CACNA2D1: variants seen among roughly 807,000 people sequenced by gnomAD.
CACNA2D1 encodes calcium voltage-gated channel auxiliary subunit alpha2delta 1.
A neutral mutation model predicts 171.5 loss-of-function variants in CACNA2D1; 53 were observed. The observed-to-expected ratio is 0.31, with a 90% confidence interval of 0.25 to 0.39. The LOEUF is 0.39. Among genes scored for constraint, CACNA2D1 ranks in the 10% least tolerant of loss-of-function variants. The probability of loss-of-function intolerance (pLI) is 1.00; values close to 1 mark genes in which losing one functional copy is unlikely to be tolerated. For synonymous variants in CACNA2D1, 442 were observed against 443.1 expected, an observed-to-expected ratio of 1.00 and a Z score of 0.03; for missense variants, 903 against 1,299.8, an observed-to-expected ratio of 0.69 and a Z score of 4.69.
intron 3 of CACNA2D1, among the ~76,000 whole-genome samples, chr7:82,262,877 C>T (rs1807307913): frequency 6.6e-6 from 1 of 152,114 alleles, no homozygotes; most frequent in South Asian, 2.1e-4. Flanking sequence ...GGTCCTGCTC[C>T]ATACCCAGGA....
intron 3 of CACNA2D1, among the ~76,000 whole-genome samples, chr7:82,233,979 C>A (rs6467888): frequency 6.6e-6 from 1 of 151,986 alleles, no homozygotes; most frequent in African/African-American, 2.4e-5. Context: ...TAATTTAAAG[C>A]CTTATCACAA....
intron 11 of CACNA2D1, among the ~76,000 whole-genome samples, chr7:82,037,835 A>AT (rs928621019): frequency 2.2e-4 from 33 of 152,312 alleles, no homozygotes; most frequent in Non-Finnish European, 3.8e-4. Context: ...TTCCTTATAA[A>AT]TTTTTTTAAA....
At chr7:82,127,816 T>G (rs1014876534) in intron 5 of CACNA2D1, among the ~76,000 whole-genome samples, 1 of 152,202 alleles carries the variant, frequency 6.6e-6, no homozygotes, top group African/African-American at 2.4e-5. Flanking sequence ...CAGCAAAGAT[T>G]TTCTTACATA....
At chr7:82,291,807 G>A (rs1811675728) in intron 3 of CACNA2D1, among the ~76,000 whole-genome samples, 1 of 150,882 alleles carries the variant, frequency 6.6e-6, no homozygotes, top group Admixed American at 6.6e-5. Flanking sequence ...ACCCAGCCCA[G>A]AGCTAAATGT....
chr7:81,951,893 C>T (rs1307828623), intron 38 of CACNA2D1, among the ~76,000 whole-genome samples: 1 of 147,420 alleles, frequency 6.8e-6, no homozygotes, highest in Non-Finnish European at 1.5e-5. Context: ...TTCTACTTTT[C>T]ATTCTTTAAG....
intron 1 of CACNA2D1, among the ~76,000 whole-genome samples, chr7:82,436,544 A>C (rs1392800156): frequency 3.9e-5 from 6 of 152,222 alleles, no homozygotes. Flanking sequence ...TTAAGTCTCT[A>C]AAAATGATTA....
chr7:82,096,668 C>T (rs1285479803), intron 6 of CACNA2D1, among the ~76,000 whole-genome samples: 3 of 148,466 alleles, frequency 2.0e-5, no homozygotes, highest in African/African-American at 7.5e-5. Context: ...AGGACAAACT[C>T]TCAATATCAA....
Position 81,967,216 on chromosome 7 carries a change from C to A in CACNA2D1, c.2464-9G>T. The A allele has an allele frequency of 6.2e-7, 1 of 1,604,648 alleles. No individual in the cohort carries two copies. The highest frequency in any genetic ancestry group is 8.5e-7 in the Non-Finnish European group (1 of 1,172,996). ...CAAACTGGACCAGCACACTGAAAGA[C>A]AAAAATGCGATTATCACCTCACTTT... On this transcript the variant is annotated splice_polypyrimidine_tract_variant and intron_variant, in intron 30 of 38. Transcript: ENST00000356860.
upstream of CACNA2D1, chr7:82,443,909 G>C (rs1026724857): frequency 5.7e-6 from 2 of 350,236 alleles, no homozygotes; most frequent in African/African-American, 4.3e-5. Flanking sequence ...ATGGCAGGCA[G>C]AGAGACTTGT....
intron 38 of CACNA2D1, among the ~76,000 whole-genome samples, chr7:81,958,817 T>C (rs1033420602): frequency 6.6e-6 from 1 of 151,794 alleles, no homozygotes; most frequent in Non-Finnish European, 1.5e-5. Context: ...TAGAACTCTG[T>C]AATAATAAGA....
chr7:81,985,652 G>A (rs961346964), intron 21 of CACNA2D1, among the ~76,000 whole-genome samples: 1 of 152,092 alleles, frequency 6.6e-6, no homozygotes, highest in African/African-American at 2.4e-5. Context: ...AAGCTCATTA[G>A]TTTATACCCA....
intron 1 of CACNA2D1, among the ~76,000 whole-genome samples, chr7:82,371,868 T>C (rs11765381): frequency 0.62 from 94,978 of 152,040 alleles, 30,246 homozygotes; most frequent in Middle Eastern, 0.74. Flanking sequence ...CCCAGCCAGC[T>C]TTAATTCTTT....
chr7:82,304,056 G>C (rs1237669542), intron 3 of CACNA2D1, among the ~76,000 whole-genome samples: 1 of 151,598 alleles, frequency 6.6e-6, no homozygotes, highest in Non-Finnish European at 1.5e-5. Flanking sequence ...TTCTCAAAAG[G>C]AGACATACAA....
At chr7:82,308,118 T>C (rs937902471) in intron 3 of CACNA2D1, among the ~76,000 whole-genome samples, 13 of 152,180 alleles carry the variant, frequency 8.5e-5, no homozygotes, top group African/African-American at 2.2e-4. Flanking sequence ...TAAAACTTCA[T>C]TGGCCTTTTG....
chr7:82,039,476 T>C (rs529087767), intron 10 of CACNA2D1, among the ~76,000 whole-genome samples: 1 of 152,298 alleles, frequency 6.6e-6, no homozygotes, highest in African/African-American at 2.4e-5. Flanking sequence ...CTACATATTC[T>C]ACAAATGTAA....
At chr7:82,285,536 G>A (rs1350141673) in intron 3 of CACNA2D1, among the ~76,000 whole-genome samples, 1 of 152,180 alleles carries the variant, frequency 6.6e-6, no homozygotes, top group Non-Finnish European at 1.5e-5. Context: ...TGAGCAGGGG[G>A]TGATAAGGAG....
intron 3 of CACNA2D1, among the ~76,000 whole-genome samples, chr7:82,331,622 G>A (rs1056083231): frequency 6.6e-6 from 1 of 152,160 alleles, no homozygotes; most frequent in African/African-American, 2.4e-5. Context: ...CTGTCATCAT[G>A]TGCTTAAGAT....
chr7:82,278,551 C>A (rs1452506598), intron 3 of CACNA2D1, among the ~76,000 whole-genome samples: 1 of 113,914 alleles, frequency 8.8e-6, no homozygotes, highest in African/African-American at 3.6e-5. Flanking sequence ...GAGTGAGACT[C>A]TGTCTTAAAA....
chr7:82,196,933 C>T (rs1300683565), intron 3 of CACNA2D1, among the ~76,000 whole-genome samples: 3 of 151,326 alleles, frequency 2.0e-5, no homozygotes, highest in Non-Finnish European at 4.4e-5. Flanking sequence ...GGGAATTGAG[C>T]AAGGGAATTA....
Sources: gnomAD v4.1 joint callset for allele counts (sites outside exome capture counted in the v4.1 genomes callset) on GRCh38, gnomAD v4.1.1 for gene constraint, MANE v1.5 for transcripts, NCBI Gene and HGNC (gene_info 2026-07-23, HGNC 2026-07-21) for gene names.